CNTRL: variants seen among roughly 807,000 people sequenced by gnomAD.
CNTRL encodes 110 kDa centrosomal protein.
Under a neutral mutation model 303.7 loss-of-function variants are expected in CNTRL, and 233 were observed. The observed-to-expected ratio is 0.77, with a 90% CI of 0.69 to 0.86. The LOEUF (loss-of-function observed/expected upper bound fraction) is 0.86. Ranked by LOEUF, CNTRL falls within the 40% of genes least tolerant of loss-of-function variation. CNTRL has a pLI of 0.00. For missense variants in CNTRL, 2,524 were observed against 2,650.6 expected, an observed-to-expected ratio of 0.95 and a Z score of 1.05; for synonymous variants, 900 against 922.2, an observed-to-expected ratio of 0.98 and a Z score of 0.44.
intron 6 of CNTRL, 44 bp downstream of exon 6, chr9:121,096,607 A>G (rs1210568550): frequency 1.5e-6 from 2 of 1,342,306 alleles, no homozygotes; most frequent in Non-Finnish European, 1.9e-6. Context: ...TTGTTAAAAA[A>G]TAAAAGATTA....
chr9:121,137,085 G>A (rs780339579), intron 15 of CNTRL, among the ~76,000 whole-genome samples: 3 of 152,194 alleles, frequency 2.0e-5, no homozygotes, highest in Non-Finnish European at 2.9e-5. Context: ...GATGCCAGGA[G>A]CAGGGAGAGG....
chr9:121,174,943 G>A (rs1397846417), intron 42 of CNTRL, 75 bp from the exon 43 acceptor site: 6 of 1,319,486 alleles, frequency 4.5e-6, no homozygotes, highest in East Asian at 4.6e-5. Context: ...CCTATCAAAT[G>A]TATGTGAGGA....
intron 12 of CNTRL, among the ~76,000 whole-genome samples, chr9:121,122,736 A>G (rs1271580277): frequency 6.6e-6 from 1 of 152,180 alleles, no homozygotes; most frequent in South Asian, 2.1e-4. Context: ...AGACTAGATC[A>G]TTGGCTCTCG....
chr9:121,103,182 T>C lies in CNTRL; in HGVS notation c.808+4610T>C, dbSNP rs550052691. 7.2e-3 allele frequency among the ~76,000 whole-genome samples: 1,095 copies of C among 152,324 alleles called. 13 individuals are homozygous for C. The highest frequency in any genetic ancestry group is 0.025 in the African/African-American group (1,047 of 41,572). ...GGCTACAGTAAACAAAACAGCATGG[T>C]ACTGGTACCAAAACAGAGATATAGA... On this transcript the variant is annotated intron_variant, in intron 7 of 43. Coordinates refer to ENST00000373855, the MANE Select transcript of CNTRL (RefSeq NM_007018.6).
intron 7 of CNTRL, among the ~76,000 whole-genome samples, chr9:121,103,377 A>G (rs912629196): frequency 9.9e-5 from 15 of 152,230 alleles, no homozygotes; most frequent in African/African-American, 3.1e-4. Context: ...TCTCTTCCTT[A>G]CACCTTATAC....
intron 8 of CNTRL, among the ~76,000 whole-genome samples, chr9:121,110,448 A>G (rs1342597181): frequency 6.6e-6 from 1 of 152,152 alleles, no homozygotes; most frequent in Non-Finnish European, 1.5e-5. Context: ...AGTTGTCAGT[A>G]AAGAGCAACT....
chr9:121,110,829 C>T (rs954526179), intron 8 of CNTRL, among the ~76,000 whole-genome samples: 3 of 152,108 alleles, frequency 2.0e-5, no homozygotes, highest in African/African-American at 7.2e-5. Context: ...TGTGACTAGC[C>T]TACTTTCCAG....
intron 1 of CNTRL, among the ~76,000 whole-genome samples, chr9:121,079,029 C>CGGAG (rs780915527): frequency 2.6e-5 from 4 of 152,126 alleles, no homozygotes; most frequent in Non-Finnish European, 5.9e-5. Flanking sequence ...AGCCCCTCTC[C>CGGAG]CCTCCCTCTT....
intron 42 of CNTRL, among the ~76,000 whole-genome samples, chr9:121,173,958 T>C (rs2053419787): frequency 6.6e-6 from 1 of 152,208 alleles, no homozygotes; most frequent in African/African-American, 2.4e-5. Flanking sequence ...CAGTGTTCTT[T>C]AACCTATGTA....
In CNTRL at chr9:121,175,150, G is replaced by C. The variant is rs750673883; in HGVS notation, c.6880G>C (p.Asp2294His). 4 of 1,614,178 alleles carry C rather than the reference G, an allele frequency of 2.5e-6. No individual in the cohort carries two copies. The highest frequency in any genetic ancestry group is 3.4e-6 in the Non-Finnish European group (4 of 1,180,026). Residue 2294 changes from aspartate (D) to histidine (H), a missense_variant, in exon 43 of 44, where the codon GAT (aspartate) becomes CAT (histidine). Coordinates refer to ENST00000373855, the MANE Select transcript of CNTRL (RefSeq NM_007018.6). ...GGAATTGGTCACCAGCACCTCTGCA[G>C]ATTCAGCGTCATCACCCAGTCTGTC... ...LGELVTSTSA[D>H]SASSPSLSQL...
At chr9:121,116,789 A>G (rs1288046798) in intron 11 of CNTRL, among the ~76,000 whole-genome samples, 1 of 152,184 alleles carries the variant, frequency 6.6e-6, no homozygotes, top group East Asian at 1.9e-4. Flanking sequence ...AAGAGATGAT[A>G]CTAGCACCAA....
rs370072202 is a variant in CNTRL, at chr9:121,089,055, G to A, written c.217+512G>A. The stretch of plus-strand genomic sequence containing the variant: ...CTGTTCTCAAAAGTGCATTGTTGGG[G>A]GTATAGCTTAGTGGTAGAGCATTTA... On this transcript the variant is annotated intron_variant, in intron 3 of 43. Transcript: ENST00000373855. Among the ~76,000 whole-genome samples, 4 of 152,200 alleles carry A rather than the reference G, an allele frequency of 2.6e-5. No individual in the cohort carries two copies. The East Asian group carries it at 5.8e-4, about 22-fold the overall frequency.
At chr9:121,084,463 C>A (rs961704904) in intron 2 of CNTRL, among the ~76,000 whole-genome samples, 25 of 151,784 alleles carry the variant, frequency 1.6e-4, no homozygotes, top group African/African-American at 5.6e-4. Context: ...TTGCTAGGCT[C>A]TGTTCGAGGC....
chr9:121,167,642 G>T lies in CNTRL; in HGVS notation c.5809G>T (p.Glu1937Ter). 6.2e-7 allele frequency: 1 copy of T among 1,614,118 alleles called. No individual in the cohort carries two copies. Among genetic ancestry groups the T allele is most frequent in the South Asian group, 1.1e-5 (1 of 91,072 alleles). The change falls in exon 37 of 44, where the codon GAA becomes TAA. Residue 1937 changes from glutamate to a stop codon, truncating the protein, a stop_gained. Transcript: ENST00000373855. LOFTEE classifies it high-confidence loss of function. Reference sequence around the variant, plus strand: ...ACTTCAAGTGCTTCAGAATGAGATTGAAGAAAACAAGCTCAAACTAGTCCA... The same window carrying T: ...ACTTCAAGTGCTTCAGAATGAGATTTAAGAAAACAAGCTCAAACTAGTCCA... Reference protein sequence around the residue: ...QQLQVLQNEIEENKLKLVQQE... With the variant: ...QQLQVLQNEI
chr9:121,165,147 G>A (rs768087013), intron 35 of CNTRL, 47 bp downstream of exon 35: 14 of 1,494,292 alleles, frequency 9.4e-6, no homozygotes, highest in South Asian at 5.4e-5. Flanking sequence ...CTTGCCCTTC[G>A]TTAGATTCTT....
intron 7 of CNTRL, among the ~76,000 whole-genome samples, chr9:121,102,963 G>A (rs2049260627): frequency 1.3e-5 from 2 of 152,228 alleles, no homozygotes; most frequent in African/African-American, 2.4e-5. Flanking sequence ...CATGAAAATG[G>A]CCATACTGCC....
At chr9:121,139,388 G>T (rs2133945671) in intron 16 of CNTRL, among the ~76,000 whole-genome samples, 1 of 152,196 alleles carries the variant, frequency 6.6e-6, no homozygotes, top group East Asian at 1.9e-4. Flanking sequence ...AAATAAAAGG[G>T]CAGAGTTTAT....
At chr9:121,112,384 A>AACTT in intron 8 of CNTRL, 75 bp from the exon 9 acceptor site, 1 of 1,376,574 alleles carries the variant, frequency 7.3e-7, no homozygotes, top group Non-Finnish European at 1.0e-6. Flanking sequence ...TTACGATGAG[A>AACTT]ACTTACCATA....
At chr9:121,143,341 A>G (rs1046988571) in intron 19 of CNTRL, among the ~76,000 whole-genome samples, 3 of 152,190 alleles carry the variant, frequency 2.0e-5, no homozygotes, top group African/African-American at 4.8e-5. Flanking sequence ...CTGGATGACT[A>G]CTGTGGCTGT....
Sources: gnomAD v4.1 joint callset for allele counts (sites outside exome capture counted in the v4.1 genomes callset) on GRCh38, gnomAD v4.1.1 for gene constraint, MANE v1.5 for transcripts, NCBI Gene and HGNC (gene_info 2026-07-23, HGNC 2026-07-21) for gene names.